The following DSE variants were observed in gnomAD, a reference collection of about 807,000 sequenced individuals.
The protein encoded by DSE is dermatan-sulfate epimerase.
DSE carries 36 observed loss-of-function variants against 84.4 expected under a neutral mutation model. That is an observed-to-expected ratio of 0.43 (90% CI 0.33 to 0.56). The LOEUF (loss-of-function observed/expected upper bound fraction) is 0.56, where lower values mean the gene tolerates loss of function less well. DSE is among the 20% of genes least tolerant of loss of function. DSE has a pLI of 0.06. For missense variants in DSE, 862 were observed against 1,169.6 expected (o/e 0.74, Z 3.84); for synonymous variants, 410 against 430.1 (o/e 0.95, Z 0.58).
At chr6:116,417,495 C>A (rs930297958) in intron 2 of DSE, among the ~76,000 whole-genome samples, 2 of 152,064 alleles carry the variant, frequency 1.3e-5, no homozygotes, top group African/African-American at 4.8e-5. Context: ...GCATAATTGA[C>A]TCCTCAGTAT....
chr6:116,413,681 G>A (rs143725246), intron 2 of DSE, among the ~76,000 whole-genome samples: 5 of 152,204 alleles, frequency 3.3e-5, no homozygotes, highest in South Asian at 2.1e-4. Flanking sequence ...CATAATTTCA[G>A]CAAAACCTTT....
intron 2 of DSE, among the ~76,000 whole-genome samples, chr6:116,349,009 C>G (rs535664071): frequency 2.8e-4 from 42 of 152,010 alleles, no homozygotes; most frequent in South Asian, 8.3e-4. Context: ...AGGAGATATA[C>G]CTAATGTAAA....
intron 2 of DSE, among the ~76,000 whole-genome samples, chr6:116,301,787 C>T (rs1481111183): frequency 6.6e-6 from 1 of 152,186 alleles, no homozygotes; most frequent in Non-Finnish European, 1.5e-5. Context: ...CCTCCGCTAG[C>T]TCCCCACCTT....
chr6:116,311,247 G>C (rs1248194520), intron 2 of DSE, among the ~76,000 whole-genome samples: 1 of 152,100 alleles, frequency 6.6e-6, no homozygotes, highest in South Asian at 2.1e-4. Context: ...ACAATCCAAA[G>C]CTATATCCTC....
chr6:116,372,957 C>T (rs9387400), intron 1 of DSE, among the ~76,000 whole-genome samples: 11 of 151,746 alleles, frequency 7.2e-5, no homozygotes, highest in African/African-American at 1.7e-4. Flanking sequence ...CGTCAGTATC[C>T]GTTTTTATGA....
chr6:116,415,217 A>T (rs1460283126), intron 2 of DSE, among the ~76,000 whole-genome samples: 6 of 152,166 alleles, frequency 3.9e-5, no homozygotes, highest in African/African-American at 1.4e-4. Context: ...GCTTGGCTGG[A>T]TATGAAATTA....
intron 1 of DSE, among the ~76,000 whole-genome samples, chr6:116,371,332 G>C (rs1779550555): frequency 6.6e-6 from 1 of 152,218 alleles, no homozygotes; most frequent in Non-Finnish European, 1.5e-5. Context: ...CTGAGCCACG[G>C]GCTTCCCCGG....
chr6:116,414,121 C>T (rs1782553259), intron 2 of DSE, among the ~76,000 whole-genome samples: 1 of 152,078 alleles, frequency 6.6e-6, no homozygotes, highest in South Asian at 2.1e-4. Context: ...TAACAAAATA[C>T]CATAGACTAG....
At position 116,438,990 on chromosome 6, in the gene DSE, T is replaced by G. The variant is rs1283096864; in HGVS notation, c.*1645T>G. Reference sequence around the variant, plus strand: ...CTCTAGGGAGGATGTCATTACACACTGTTTAAAAGAATAATGTTTTCAAAA... The same window carrying G: ...CTCTAGGGAGGATGTCATTACACACGGTTTAAAAGAATAATGTTTTCAAAA... On this transcript the variant is annotated 3_prime_UTR_variant, in exon 6 of 6. Transcript: ENST00000644252. 2.0e-5 allele frequency: 3 copies of G among 151,924 alleles called. No individual in the cohort carries two copies. The highest frequency in any genetic ancestry group is 4.4e-5 in the Non-Finnish European group (3 of 68,028). 9.4% of individuals were successfully genotyped at this position (151,924 alleles called of 1,614,324 possible).
exon 2 of DSE, chr6:116,258,712 C>T: frequency 1.9e-6 from 3 of 1,606,328 alleles, no homozygotes; most frequent in Non-Finnish European, 2.6e-6. Flanking sequence ...AGCCTGTCGT[C>T]TCACAGTCCC....
At chr6:116,287,684 G>A (rs1232180128) in intron 2 of DSE, among the ~76,000 whole-genome samples, 1 of 152,018 alleles carries the variant, frequency 6.6e-6, no homozygotes, top group Non-Finnish European at 1.5e-5. Flanking sequence ...TTTTTGTTGA[G>A]GGAGACTTCC....
intron 1 of DSE, among the ~76,000 whole-genome samples, chr6:116,385,344 G>A (rs1344218519): frequency 1.3e-5 from 2 of 152,208 alleles, no homozygotes; most frequent in Non-Finnish European, 2.9e-5. Flanking sequence ...TGGCTTCTAT[G>A]TGGAGAATGA....
chr6:116,275,316 T>A (rs6568925), intron 2 of DSE, among the ~76,000 whole-genome samples: 46,179 of 152,172 alleles, frequency 0.3, 7,632 homozygotes, highest in East Asian at 0.65. Flanking sequence ...GTGAAAGATT[T>A]AATGTTGAAA....
chr6:116,430,875 G>T, intron 3 of DSE, 79 bp from the exon 4 acceptor site: 1 of 1,561,900 alleles, frequency 6.4e-7, no homozygotes. Flanking sequence ...AGATAACTCA[G>T]AGGGTTTTAT....
intron 2 of DSE, among the ~76,000 whole-genome samples, chr6:116,362,687 A>C (rs945064657): frequency 1.3e-5 from 2 of 152,196 alleles, no homozygotes; most frequent in Non-Finnish European, 2.9e-5. Flanking sequence ...ATGGCATCCC[A>C]GGCTGACTAA....
chr6:116,265,118 C>T (rs764267854), intron 2 of DSE, among the ~76,000 whole-genome samples: 149 of 152,246 alleles, frequency 9.8e-4, no homozygotes, highest in Non-Finnish European at 1.7e-3. Flanking sequence ...TAGCAGGCGC[C>T]ATGCTAGCAG....
At chr6:116,398,098 C>G (rs1781369873) in intron 1 of DSE, among the ~76,000 whole-genome samples, 1 of 152,146 alleles carries the variant, frequency 6.6e-6, no homozygotes, top group South Asian at 2.1e-4. Flanking sequence ...AACCACTGTT[C>G]GTTATTTACA....
intron 2 of DSE, among the ~76,000 whole-genome samples, chr6:116,273,608 CCTCT>C (rs1369564676): frequency 6.6e-6 from 1 of 152,096 alleles, no homozygotes; most frequent in African/African-American, 2.4e-5. Flanking sequence ...CCAGGCTGGT[CCTCT>C]CTGAGTTTGC....
Position 116,381,002 on chromosome 6 carries a change from C to G in DSE, c.-54+9881C>G, listed in dbSNP as rs1416525616. Among the ~76,000 whole-genome samples the G allele has an allele frequency of 2.0e-5, 3 of 152,094 alleles. No individual in the cohort carries two copies. The South Asian group carries it at 6.2e-4, about 31-fold the overall frequency. On this transcript the variant is annotated intron_variant, in intron 1 of 5. Transcript: ENST00000644252. ...TAAATTTCAGTTGTACTTTGTCATTCTTATGCAAACTTCATTTTATTTTAG... is the reference window on the plus strand; with the variant it reads ...TAAATTTCAGTTGTACTTTGTCATTGTTATGCAAACTTCATTTTATTTTAG...
Sources: gnomAD v4.1 joint callset for allele counts (sites outside exome capture counted in the v4.1 genomes callset) on GRCh38, gnomAD v4.1.1 for gene constraint, MANE v1.5 for transcripts, NCBI Gene and HGNC (gene_info 2026-07-23, HGNC 2026-07-21) for gene names.